ERC2: variants seen among roughly 807,000 people sequenced by gnomAD.
ERC2 encodes the protein ERC protein 2.
In ERC2, 42 loss-of-function variants were observed where a neutral mutation model predicts 114.8. The observed-to-expected ratio is 0.37, with a 90% confidence interval of 0.29 to 0.47. The LOEUF is 0.47. ERC2 is among the 20% of genes least tolerant of loss of function. The pLI is 0.99. For missense variants in ERC2, 939 were observed against 1,150.7 expected, an observed-to-expected ratio of 0.82 and a Z score of 2.66; for synonymous variants, 454 against 425.5, an observed-to-expected ratio of 1.07 and a Z score of -0.82.
intron 3 of ERC2, among the ~76,000 whole-genome samples, chr3:56,199,231 G>T (rs183792021): frequency 1.3e-5 from 2 of 152,190 alleles, no homozygotes; most frequent in Admixed American, 1.3e-4. Context: ...GATCTACTGA[G>T]AATACAAGAT....
chr3:56,460,734 C>T (rs777479512), intron 1 of ERC2, among the ~76,000 whole-genome samples: 1 of 152,184 alleles, frequency 6.6e-6, no homozygotes, highest in Non-Finnish European at 1.5e-5. Flanking sequence ...TCAATAAATA[C>T]TTCACAAATC....
At chr3:55,595,569 C>T (rs1027754443) in intron 17 of ERC2, among the ~76,000 whole-genome samples, 8 of 152,188 alleles carry the variant, frequency 5.3e-5, no homozygotes, top group Non-Finnish European at 7.3e-5. Flanking sequence ...CCATAGGCAG[C>T]GCATTAAGGC....
chr3:55,855,212 C>A (rs1266185764), intron 14 of ERC2, among the ~76,000 whole-genome samples: 1 of 152,132 alleles, frequency 6.6e-6, no homozygotes, highest in Non-Finnish European at 1.5e-5. Context: ...GTAAACCATA[C>A]CAATATGACT....
intron 3 of ERC2, among the ~76,000 whole-genome samples, chr3:56,200,309 C>T (rs1025262087): frequency 6.0e-5 from 9 of 149,452 alleles, no homozygotes; most frequent in Non-Finnish European, 7.4e-5. Context: ...ATTCTCTTCA[C>T]TTTTTTCCCA....
At chr3:56,013,784 T>C (rs1478871633) in intron 8 of ERC2, among the ~76,000 whole-genome samples, 2 of 152,194 alleles carry the variant, frequency 1.3e-5, no homozygotes, top group African/African-American at 2.4e-5. Flanking sequence ...CTTCGGTATA[T>C]TTAAAAATCA....
chr3:56,446,483 C>T (rs1016800274), intron 1 of ERC2, among the ~76,000 whole-genome samples: 1 of 152,010 alleles, frequency 6.6e-6, no homozygotes, highest in African/African-American at 2.4e-5. Flanking sequence ...GGTTCCCCAC[C>T]GGCAGATGCT....
At chr3:56,080,429 A>T (rs1391133281) in intron 7 of ERC2, among the ~76,000 whole-genome samples, 1 of 152,210 alleles carries the variant, frequency 6.6e-6, no homozygotes, top group African/African-American at 2.4e-5. Context: ...AATAGGATCT[A>T]CTACAGTTTA....
At chr3:56,069,941 C>T (rs1398580669) in intron 7 of ERC2, among the ~76,000 whole-genome samples, 2 of 152,148 alleles carry the variant, frequency 1.3e-5, no homozygotes, top group Non-Finnish European at 2.9e-5. Flanking sequence ...GTACAAAGTA[C>T]AAAGACTGCA....
chr3:55,742,568 T>C (rs900756013), intron 14 of ERC2, among the ~76,000 whole-genome samples: 2 of 152,220 alleles, frequency 1.3e-5, no homozygotes, highest in African/African-American at 4.8e-5. Flanking sequence ...CTACATTATG[T>C]ATGGTGCTTA....
At chr3:55,675,899 C>CTTTCTTTTTTT (rs2061772999) in intron 17 of ERC2, among the ~76,000 whole-genome samples, 2 of 58,122 alleles carry the variant, frequency 3.4e-5, no homozygotes, top group Non-Finnish European at 6.5e-5. Flanking sequence ...TTTCTCTTTT[C>CTTTCTTTTTTT]TTTCTTTTTT....
chr3:56,302,713 C>T (rs558247696), intron 2 of ERC2, among the ~76,000 whole-genome samples: 2 of 152,236 alleles, frequency 1.3e-5, no homozygotes, highest in African/African-American at 4.8e-5. Context: ...TTGTTACCTA[C>T]AGCAAGTACC....
chr3:56,158,415 T>C (rs2081859209), intron 4 of ERC2, among the ~76,000 whole-genome samples: 1 of 152,218 alleles, frequency 6.6e-6, no homozygotes, highest in Non-Finnish European at 1.5e-5. Flanking sequence ...CTGCCTAAAA[T>C]AGGCTTATTT....
chr3:55,952,959 C>T (rs923571976), intron 12 of ERC2, among the ~76,000 whole-genome samples: 6 of 151,928 alleles, frequency 3.9e-5, no homozygotes, highest in South Asian at 2.1e-4. Context: ...TTTGGGAGGC[C>T]GAGGTGGGCA....
At chr3:55,685,432 C>G (rs372303845) in intron 16 of ERC2, among the ~76,000 whole-genome samples, 2 of 152,174 alleles carry the variant, frequency 1.3e-5, no homozygotes, top group African/African-American at 4.8e-5. Context: ...AATAATTGCT[C>G]TTGCCAAGAA....
chr3:55,898,126 T>C (rs2063930270), intron 13 of ERC2, among the ~76,000 whole-genome samples: 1 of 152,168 alleles, frequency 6.6e-6, no homozygotes, highest in Admixed American at 6.5e-5. Flanking sequence ...AATACATACA[T>C]CTGACTTAAC....
At chr3:56,409,287 T>TA (rs1320637130) in intron 2 of ERC2, among the ~76,000 whole-genome samples, 2 of 152,056 alleles carry the variant, frequency 1.3e-5, no homozygotes, top group Non-Finnish European at 2.9e-5. Context: ...GTTTTATATT[T>TA]AAAAAAATAT....
chr3:55,718,805 G>T (rs1277859639), intron 15 of ERC2, among the ~76,000 whole-genome samples: 1 of 152,168 alleles, frequency 6.6e-6, no homozygotes, highest in Non-Finnish European at 1.5e-5. Flanking sequence ...TCTTGGTCAG[G>T]ACATTAATAT....
chr3:55,808,049 C>T (rs965265865), intron 14 of ERC2, among the ~76,000 whole-genome samples: 2 of 152,158 alleles, frequency 1.3e-5, no homozygotes, highest in African/African-American at 4.8e-5. Flanking sequence ...ACATCGTCAT[C>T]ATTTCAAAAT....
At chr3:56,084,835 CTA>C (rs747928985) in intron 6 of ERC2, among the ~76,000 whole-genome samples, 8 of 149,284 alleles carry the variant, frequency 5.4e-5, no homozygotes, top group Non-Finnish European at 1.2e-4. Flanking sequence ...CAAAAACTAC[CTA>C]TACCCCTAAA....
Sources: allele counts gnomAD v4.1 joint callset (sites outside exome capture counted in the v4.1 genomes callset), GRCh38; gene constraint gnomAD v4.1.1; transcripts MANE v1.5; gene names NCBI Gene and HGNC (gene_info 2026-07-23, HGNC 2026-07-21).